DNM3: variants seen among roughly 807,000 people sequenced by gnomAD.
DNM3 encodes dynamin 3.
A neutral mutation model predicts 101.6 loss-of-function variants in DNM3; 47 were observed. The observed-to-expected ratio is 0.46, with a 90% confidence interval of 0.37 to 0.59. The LOEUF (loss-of-function observed/expected upper bound fraction) is 0.59. Ranked by LOEUF, DNM3 falls within the 20% of genes least tolerant of loss-of-function variation. The pLI is 0.00. For synonymous variants in DNM3, 385 were observed against 387.9 expected (o/e 0.99, Z 0.09); for missense variants, 849 against 1,085.7 (o/e 0.78, Z 3.06).
At chr1:171,949,642 C>CAGGGT (rs1289732064) in intron 2 of DNM3, among the ~76,000 whole-genome samples, 6 of 151,810 alleles carry the variant, frequency 4.0e-5, no homozygotes, top group Non-Finnish European at 8.8e-5. Flanking sequence ...TCTTGAACTC[C>CAGGGT]TGGGCTCAAG....
intron 4 of DNM3, among the ~76,000 whole-genome samples, chr1:171,995,052 C>A (rs929855551): frequency 6.8e-6 from 1 of 147,564 alleles, no homozygotes. Flanking sequence ...GGGCATAGGG[C>A]AAGTTCAAAC....
rs1379849228 is a variant in DNM3, at chr1:172,410,266, T to C, written c.*2425T>C. On this transcript the variant is annotated 3_prime_UTR_variant, in exon 21 of 21. Transcript: ENST00000627582. ...TGTTGAATGAAGTCTGAAACTCTAG[T>C]ATGTGCATAGTTTGACGTGCAGCAT... 2 of 985,258 alleles carry C rather than the reference T, an allele frequency of 2.0e-6. No homozygotes were observed. The highest frequency in any genetic ancestry group is 3.5e-5 in the African/African-American group (2 of 57,238). The allele number at this position is 985,258 out of a possible 1,614,324, so 61.0% of individuals were successfully genotyped here. A position where few individuals can be genotyped will look rare whatever the true frequency, so the allele number is the denominator to read the frequency against.
Position 172,203,837 on chromosome 1 carries a change from T to C in DNM3, c.1660-49736T>C, listed in dbSNP as rs938842585. On this transcript the variant is annotated intron_variant, in intron 14 of 20. Coordinates refer to ENST00000627582, the MANE Select transcript of DNM3 (RefSeq NM_015569.5). ...TAATGTATAAATTCTGATGTAAGTT[T>C]GATGGTTAAATTGGTTATTTATGTT... 1.7e-4 allele frequency among the ~76,000 whole-genome samples: 26 copies of C among 152,206 alleles called. 1 individual carries two copies. The highest frequency in any genetic ancestry group is 1.6e-3 in the Admixed American group (24 of 15,278).
chr1:172,154,271 TA>T (rs2058254049), intron 14 of DNM3, among the ~76,000 whole-genome samples: 1 of 149,838 alleles, frequency 6.7e-6, no homozygotes, highest in African/African-American at 2.5e-5. Context: ...TCAAGGCCAC[TA>T]AAAAATCACC....
chr1:172,008,866 TA>T (rs2046887727), intron 4 of DNM3, among the ~76,000 whole-genome samples: 2 of 139,284 alleles, frequency 1.4e-5, no homozygotes, highest in Non-Finnish European at 3.1e-5. Flanking sequence ...TATTACTATA[TA>T]AATAATATTA....
intron 15 of DNM3, among the ~76,000 whole-genome samples, chr1:172,295,850 A>G (rs1237063428): frequency 6.6e-6 from 1 of 152,212 alleles, no homozygotes. Context: ...AAAAAGTAAA[A>G]CAAATGGAAA....
intron 14 of DNM3, among the ~76,000 whole-genome samples, chr1:172,234,252 CAGAG>C (rs2061449590): frequency 6.6e-6 from 1 of 152,066 alleles, no homozygotes; most frequent in African/African-American, 2.4e-5. Flanking sequence ...CAATAACAGA[CAGAG>C]AGCCAAATCA....
chr1:172,238,826 G>GA lies in DNM3; in HGVS notation c.1660-14735dup, dbSNP rs756914661. Among the ~76,000 whole-genome samples, 696 of 138,906 alleles carry GA rather than the reference G, an allele frequency of 5.0e-3. 3 individuals are homozygous for GA. Among genetic ancestry groups the GA allele is most frequent in the African/African-American group, 9.5e-3 (362 of 38,118 alleles). 91.1% of individuals were successfully genotyped at this position (138,906 alleles called of 152,430 possible). On this transcript the variant is annotated intron_variant, in intron 14 of 20. Coordinates refer to ENST00000627582, the MANE Select transcript of DNM3 (RefSeq NM_015569.5). ...GCCTGAATGGAAGACTTCAGGATAA[G>GA]AAAAAAAAAAAACACCCTTTCCCAC...
At chr1:171,876,843 C>T (rs1343913463) in intron 1 of DNM3, among the ~76,000 whole-genome samples, 4 of 152,102 alleles carry the variant, frequency 2.6e-5, no homozygotes, top group Non-Finnish European at 5.9e-5. Flanking sequence ...AATGTTTTTG[C>T]TATTTGGGGG....
At chr1:172,348,200 G>A (rs1259461461) in intron 17 of DNM3, among the ~76,000 whole-genome samples, 9 of 152,100 alleles carry the variant, frequency 5.9e-5, no homozygotes, top group Non-Finnish European at 1.2e-4. Flanking sequence ...ATCCAATTCC[G>A]TATACTAAAA....
chr1:171,987,316 A>AG, intron 2 of DNM3: 4 of 985,338 alleles, frequency 4.1e-6, no homozygotes, highest in Non-Finnish European at 4.8e-6. Context: ...GAGGTATCCC[A>AG]GATCTAATGT....
rs554081508 is a variant in DNM3 at position 172,393,821 on chromosome 1, A to G, written c.2522+5012A>G. The G allele has an allele frequency of 4.6e-5, 7 of 152,738 alleles. No individual in the cohort carries two copies. In the South Asian group the frequency reaches 1.2e-3, roughly 27 times the overall value. The allele number at this position is 152,738 out of a possible 1,614,324, so 9.5% of individuals were successfully genotyped here. A position where few individuals can be genotyped will look rare whatever the true frequency, so the allele number is the denominator to read the frequency against. ...AGCAAGGAAAGATGTTTTTTTAAGC[A>G]TAATTACTAAGAATAGAAACAACTT... On this transcript the variant is annotated intron_variant, in intron 20 of 20. Coordinates refer to ENST00000627582, the MANE Select transcript of DNM3 (RefSeq NM_015569.5).
intron 14 of DNM3, among the ~76,000 whole-genome samples, chr1:172,183,038 T>A (rs1468385510): frequency 2.0e-5 from 3 of 152,070 alleles, no homozygotes; most frequent in Admixed American, 1.3e-4. Context: ...AAAGGCAACT[T>A]TTTAACTAAA....
chr1:172,411,240 T>A lies in DNM3; in HGVS notation c.*3399T>A. On this transcript the variant is annotated 3_prime_UTR_variant, in exon 21 of 21. Coordinates refer to ENST00000627582, the MANE Select transcript of DNM3 (RefSeq NM_015569.5). ...TGTGGTAACAATAGTTCATTTCTCATAACATATATGAGGTATACAAAATTT... is the reference window on the plus strand; with the variant it reads ...TGTGGTAACAATAGTTCATTTCTCAAAACATATATGAGGTATACAAAATTT... 1.0e-6 allele frequency: 1 copy of A among 985,182 alleles called. No individual in the cohort carries two copies. Among genetic ancestry groups the A allele is most frequent in the South Asian group, 4.7e-5 (1 of 21,292 alleles). 61.0% of individuals were successfully genotyped at this position (985,182 alleles called of 1,614,324 possible). A position where few individuals can be genotyped will look rare whatever the true frequency, so the allele number is the denominator to read the frequency against.
intron 1 of DNM3, among the ~76,000 whole-genome samples, chr1:171,847,006 A>G (rs2032214139): frequency 1.3e-5 from 2 of 152,202 alleles, no homozygotes; most frequent in African/African-American, 4.8e-5. Flanking sequence ...ATAGCTAGCA[A>G]GCAGCCAAGC....
At chr1:171,969,653 C>T (rs1038553294) in intron 2 of DNM3, among the ~76,000 whole-genome samples, 2 of 152,028 alleles carry the variant, frequency 1.3e-5, no homozygotes, top group Non-Finnish European at 2.9e-5. Context: ...AGGGTCTCTC[C>T]CAATGTGCTT....
Position 172,081,840 on chromosome 1 carries a change from A to G in DNM3, c.1431A>G (p.Leu477=), listed in dbSNP as rs368176135. Residue 477 remains leucine, a synonymous_variant, in exon 12 of 21, where the codon CTA becomes CTG. Transcript: ENST00000627582. The part of the protein sequence containing the change: ...REGKTKDQVL[L]LIDIQVSYIN... ...TTCTCTTTGACTTATAGGTATTGCTATTGATTGACATTCAAGTCTCTTACA... is the reference window on the plus strand; with the variant it reads ...TTCTCTTTGACTTATAGGTATTGCTGTTGATTGACATTCAAGTCTCTTACA... 54 of 1,612,396 alleles carry G rather than the reference A, an allele frequency of 3.3e-5. No homozygotes were observed. The highest frequency in any genetic ancestry group is 1.6e-4 in the Middle Eastern group (1 of 6,080).
chr1:172,318,360 C>A (rs1019681721), intron 16 of DNM3, among the ~76,000 whole-genome samples: 1 of 152,068 alleles, frequency 6.6e-6, no homozygotes, highest in African/African-American at 2.4e-5. Flanking sequence ...CACTCCTATT[C>A]AACATAGTGT....
chr1:172,263,121 A>G (rs1249964671), intron 15 of DNM3, among the ~76,000 whole-genome samples: 1 of 152,166 alleles, frequency 6.6e-6, no homozygotes, highest in East Asian at 1.9e-4. Context: ...TTATCAATAG[A>G]TTGTAGAAAC....
Sources: gnomAD v4.1 joint callset for allele counts (sites outside exome capture counted in the v4.1 genomes callset) on GRCh38, gnomAD v4.1.1 for gene constraint, MANE v1.5 for transcripts, NCBI Gene and HGNC (gene_info 2026-07-23, HGNC 2026-07-21) for gene names.